Variants in ROR2 observed in about 807,000 individuals in gnomAD.
ROR2 encodes ROR family WNT receptor 2, also known as tyrosine-protein kinase transmembrane receptor ROR2.
Under a neutral mutation model 74.9 loss-of-function variants are expected in ROR2, and 33 were observed. The observed-to-expected ratio is 0.44, with a 90% CI of 0.33 to 0.59. The LOEUF (loss-of-function observed/expected upper bound fraction) is 0.59. ROR2 is among the 20% of genes least tolerant of loss of function. The pLI is 0.02. For synonymous variants in ROR2, 586 were observed against 558.7 expected (o/e 1.05, Z -0.69); for missense variants, 1,216 against 1,313.8 (o/e 0.93, Z 1.15).
chr9:91,771,452 T>C (rs142320105), intron 2 of ROR2, among the ~76,000 whole-genome samples: 2 of 152,366 alleles, frequency 1.3e-5, no homozygotes, highest in Non-Finnish European at 2.9e-5. Flanking sequence ...AGAATGATAA[T>C]TCTAAAGCAT....
intron 1 of ROR2, among the ~76,000 whole-genome samples, chr9:91,897,533 A>C (rs1175715950): frequency 1.3e-5 from 2 of 148,758 alleles, no homozygotes; most frequent in African/African-American, 2.5e-5. Flanking sequence ...ATACTGGGTG[A>C]TGCTCTGACC....
chr9:91,785,204 T>C (rs1412998996), intron 1 of ROR2, among the ~76,000 whole-genome samples: 3 of 152,220 alleles, frequency 2.0e-5, no homozygotes, highest in Non-Finnish European at 4.4e-5. Context: ...TATTCTTTCC[T>C]CTGCCTGGAA....
chr9:91,852,212 T>A (rs1829118762), intron 1 of ROR2, among the ~76,000 whole-genome samples: 2 of 152,224 alleles, frequency 1.3e-5, no homozygotes, highest in African/African-American at 4.8e-5. Context: ...ATACTACATC[T>A]CTGTATTGGT....
intron 1 of ROR2, among the ~76,000 whole-genome samples, chr9:91,783,789 C>T (rs754673655): frequency 9.2e-5 from 14 of 152,188 alleles, no homozygotes; most frequent in Admixed American, 2.0e-4. Context: ...CTGTGGGTAA[C>T]GACCCTATTC....
intron 1 of ROR2, among the ~76,000 whole-genome samples, chr9:91,792,303 C>CTTTTTTT (rs1358505448): frequency 7.0e-6 from 1 of 142,332 alleles, no homozygotes; most frequent in African/African-American, 2.7e-5. Context: ...AAAGTTGGTT[C>CTTTTTTT]TATTTTTTTT....
intron 2 of ROR2, among the ~76,000 whole-genome samples, chr9:91,775,468 C>G (rs1001531510): frequency 6.6e-6 from 1 of 152,138 alleles, no homozygotes; most frequent in African/African-American, 2.4e-5. Context: ...GCTCCTAAGG[C>G]TCCGCTCAGG....
intron 1 of ROR2, among the ~76,000 whole-genome samples, chr9:91,825,692 G>C (rs1352136052): frequency 6.6e-6 from 1 of 152,160 alleles, no homozygotes; most frequent in Non-Finnish European, 1.5e-5. Context: ...TTTGACCACA[G>C]AGAAAGGATG....
chr9:91,933,079 A>G (rs1831592808), intron 1 of ROR2, among the ~76,000 whole-genome samples: 1 of 152,194 alleles, frequency 6.6e-6, no homozygotes, highest in South Asian at 2.1e-4. Context: ...TTGGAAGGCC[A>G]AGGCAGGCGG....
intron 2 of ROR2, among the ~76,000 whole-genome samples, chr9:91,765,177 C>T (rs1237262548): frequency 2.0e-5 from 3 of 152,082 alleles, no homozygotes; most frequent in Admixed American, 6.5e-5. Context: ...TTCCACTGTG[C>T]TCTCTCCCTA....
intron 4 of ROR2, among the ~76,000 whole-genome samples, chr9:91,754,760 T>C (rs1036950084): frequency 2.6e-5 from 4 of 152,238 alleles, no homozygotes; most frequent in African/African-American, 9.6e-5. Context: ...CCCATAATTG[T>C]GCTCATGATG....
chr9:91,895,213 G>A (rs1830507822), intron 1 of ROR2, among the ~76,000 whole-genome samples: 1 of 152,148 alleles, frequency 6.6e-6, no homozygotes, highest in Non-Finnish European at 1.5e-5. Flanking sequence ...ATCTAGAAAA[G>A]GTAAAACTAT....
intron 4 of ROR2, among the ~76,000 whole-genome samples, chr9:91,752,401 A>G (rs1195422636): frequency 3.3e-5 from 5 of 152,242 alleles, no homozygotes; most frequent in Admixed American, 3.3e-4. Context: ...ATTCAGCAAT[A>G]AACAGCTGTA....
chr9:91,863,732 C>T (rs533889338), intron 1 of ROR2, among the ~76,000 whole-genome samples: 49 of 151,976 alleles, frequency 3.2e-4, no homozygotes, highest in Middle Eastern at 6.8e-3. Flanking sequence ...AGGAGATTCG[C>T]AGATGGCTGG....
chr9:91,872,171 T>C (rs2119334665), intron 1 of ROR2, among the ~76,000 whole-genome samples: 1 of 152,290 alleles, frequency 6.6e-6, no homozygotes, highest in South Asian at 2.1e-4. Context: ...CCCTCATTTG[T>C]TTTTTCTCCC....
At chr9:91,909,025 C>CT (rs1830886727) in intron 1 of ROR2, among the ~76,000 whole-genome samples, 1 of 152,214 alleles carries the variant, frequency 6.6e-6, no homozygotes, top group Admixed American at 6.5e-5. Context: ...CCCCAAACCT[C>CT]TTTAATTTGC....
intron 1 of ROR2, among the ~76,000 whole-genome samples, chr9:91,786,704 T>C (rs1279010007): frequency 1.3e-5 from 2 of 152,122 alleles, no homozygotes; most frequent in African/African-American, 4.8e-5. Context: ...GGGAAATCTC[T>C]AGATTCGCCT....
At chr9:91,808,191 T>C (rs1026477451) in intron 1 of ROR2, among the ~76,000 whole-genome samples, 7 of 152,200 alleles carry the variant, frequency 4.6e-5, no homozygotes, top group Admixed American at 2.0e-4. Context: ...TGAAAATCTA[T>C]TAGGATCCTG....
At chr9:91,940,743 G>T (rs1295482748) in intron 1 of ROR2, among the ~76,000 whole-genome samples, 1 of 151,604 alleles carries the variant, frequency 6.6e-6, no homozygotes, top group African/African-American at 2.4e-5. Flanking sequence ...TGGGATTACA[G>T]GCACCCAGCC....
At chr9:91,757,133 A>AG in intron 3 of ROR2, 139 bp downstream of exon 3, 1 of 1,078,444 alleles carries the variant, frequency 9.3e-7, no homozygotes. Flanking sequence ...CACATGGGGA[A>AG]GGCCCTAGGG....
Sources: gnomAD v4.1 joint callset for allele counts (sites outside exome capture counted in the v4.1 genomes callset) on GRCh38, gnomAD v4.1.1 for gene constraint, MANE v1.5 for transcripts, NCBI Gene and HGNC (gene_info 2026-07-23, HGNC 2026-07-21) for gene names.